The following ACCSL variants were observed in gnomAD, a reference collection of about 807,000 sequenced individuals.
ACCSL encodes probable inactive 1-aminocyclopropane-1-carboxylate synthase-like protein 2.
A neutral mutation model predicts 61.7 loss-of-function variants in ACCSL; 55 were observed. The ratio of observed to expected loss-of-function variants is 0.89; its 90% CI spans 0.72 to 1.12. ACCSL has a LOEUF of 1.12. Among genes scored for constraint, ACCSL ranks in the 50% most tolerant of loss-of-function variants. ACCSL has a pLI of 0.00. For missense variants in ACCSL, 632 were observed against 698.0 expected (o/e 0.91, Z 1.07); for synonymous variants, 258 against 264.3 (o/e 0.98, Z 0.23).
the ACCSL span, among the ~76,000 whole-genome samples, chr11:43,951,860 G>T: frequency 3.3e-5 from 5 of 152,142 alleles, no homozygotes; most frequent in African/African-American, 1.2e-4. Flanking sequence ...CATTAGCCAG[G>T]CATGTTGGCG....
chr11:44,040,996 A>G, the ACCSL span, among the ~76,000 whole-genome samples: 15 of 152,184 alleles, frequency 9.9e-5, no homozygotes. Context: ...TCTCACCTGT[A>G]AAGTGAGTCT....
chr11:44,039,944 G>A, the ACCSL span, among the ~76,000 whole-genome samples: 220 of 152,320 alleles, frequency 1.4e-3, 2 homozygotes, highest in East Asian at 0.013. Flanking sequence ...ATCTGCTCCC[G>A]TCTAGTCCTC....
At chr11:43,942,813 C>A in the ACCSL span, 11 of 948,750 alleles carry the variant, frequency 1.2e-5, no homozygotes, top group Non-Finnish European at 1.4e-5. Context: ...GGCGAGCCCC[C>A]GGCTGCTGCC....
chr11:44,003,568 A>G, the ACCSL span, among the ~76,000 whole-genome samples: 2 of 151,530 alleles, frequency 1.3e-5, no homozygotes, highest in Non-Finnish European at 2.9e-5. Flanking sequence ...GCTTGAACCC[A>G]GGAGGTGGAG....
chr11:44,050,755 T>C (rs1009201857), intron 3 of ACCSL, 133 bp downstream of exon 3: 2 of 758,312 alleles, frequency 2.6e-6, no homozygotes, highest in Non-Finnish European at 2.2e-6. Context: ...AGAAAATGCC[T>C]AGAGCAAAAC....
the ACCSL span, among the ~76,000 whole-genome samples, chr11:43,978,553 C>T: frequency 6.6e-6 from 1 of 152,148 alleles, no homozygotes; most frequent in East Asian, 1.9e-4. Flanking sequence ...CGCTCCCTCC[C>T]TGGCTTACCC....
At chr11:44,006,852 T>A in the ACCSL span, among the ~76,000 whole-genome samples, 464 of 152,286 alleles carry the variant, frequency 3.0e-3, 6 homozygotes, top group African/African-American at 0.011. Flanking sequence ...TTCAGCATGA[T>A]GCCTGGCAGG....
the ACCSL span, among the ~76,000 whole-genome samples, chr11:43,959,299 A>G: frequency 2.1e-5 from 3 of 144,830 alleles, no homozygotes; most frequent in Non-Finnish European, 3.1e-5. Flanking sequence ...GGCCATATCC[A>G]TGGCCTGACG....
the ACCSL span, among the ~76,000 whole-genome samples, chr11:43,936,024 G>C: frequency 6.6e-6 from 1 of 152,188 alleles, no homozygotes; most frequent in African/African-American, 2.4e-5. Context: ...TGCTGGGCAG[G>C]TCCCCAGTAC....
At chr11:43,973,872 A>G in the ACCSL span, 3 of 152,306 alleles carry the variant, frequency 2.0e-5, no homozygotes, top group Admixed American at 2.0e-4. Context: ...TTTCATCTTA[A>G]TCTTCCTCCT....
In ACCSL at chr11:44,052,961, GAC is replaced by G. The variant is rs1952649080; in HGVS notation, c.871-27_871-26del. 3.8e-6 allele frequency: 6 copies of G among 1,596,672 alleles called. No individual in the cohort carries two copies. In the East Asian group the frequency reaches 1.1e-4, roughly 30 times the overall value. On this transcript the variant is annotated intron_variant, in intron 6 of 13. Transcript: ENST00000378832. ...AGGAATCAAGACTTAGATTTTAAGAGACACTTCTCACATAGTGTTTCTCTTCC... is the reference window on the plus strand; with the variant it reads ...AGGAATCAAGACTTAGATTTTAAGAGACTTCTCACATAGTGTTTCTCTTCC...
the ACCSL span, among the ~76,000 whole-genome samples, chr11:43,986,408 T>A: frequency 6.7e-6 from 1 of 150,040 alleles, no homozygotes; most frequent in African/African-American, 2.5e-5. Context: ...TTGGCACAGA[T>A]CTCAGAGTAA....
the ACCSL span, among the ~76,000 whole-genome samples, chr11:43,929,607 A>G: frequency 6.6e-6 from 1 of 152,046 alleles, no homozygotes; most frequent in Non-Finnish European, 1.5e-5. Flanking sequence ...GGGTTTCGCC[A>G]TGTTGGCCAG....
At chr11:44,033,946 G>A in the ACCSL span, among the ~76,000 whole-genome samples, 1 of 148,954 alleles carries the variant, frequency 6.7e-6, no homozygotes, top group African/African-American at 2.5e-5. Flanking sequence ...GCAGGAGCCC[G>A]AGAAAGAAGA....
At chr11:44,037,500 G>A in the ACCSL span, among the ~76,000 whole-genome samples, 10 of 152,358 alleles carry the variant, frequency 6.6e-5, no homozygotes, top group African/African-American at 2.4e-4. Context: ...CTCTGAGTCT[G>A]CAGTGCTGGC....
At chr11:43,957,256 G>A in the ACCSL span, among the ~76,000 whole-genome samples, 1 of 151,950 alleles carries the variant, frequency 6.6e-6, no homozygotes, top group Non-Finnish European at 1.5e-5. Flanking sequence ...ATCAATGCAT[G>A]GAAAGTATCC....
the ACCSL span, among the ~76,000 whole-genome samples, chr11:44,021,558 C>T: frequency 6.6e-6 from 1 of 152,056 alleles, no homozygotes; most frequent in African/African-American, 2.4e-5. Flanking sequence ...TTTTCTCCCC[C>T]TCTGTGGATT....
the ACCSL span, among the ~76,000 whole-genome samples, chr11:43,922,597 G>T: frequency 6.6e-5 from 10 of 152,310 alleles, no homozygotes; most frequent in East Asian, 1.5e-3. Flanking sequence ...CCTTTTGAGG[G>T]GACAGAATCC....
the ACCSL span, among the ~76,000 whole-genome samples, chr11:44,032,383 G>A: frequency 2.0e-5 from 3 of 152,212 alleles, no homozygotes; most frequent in African/African-American, 4.8e-5. Context: ...ACTGAAGCAC[G>A]TCACATGGCC....
Sources: gnomAD v4.1 joint callset for allele counts (sites outside exome capture counted in the v4.1 genomes callset) on GRCh38, gnomAD v4.1.1 for gene constraint, MANE v1.5 for transcripts, NCBI Gene and HGNC (gene_info 2026-07-23, HGNC 2026-07-21) for gene names.